Variants in RGN observed in about 807,000 individuals in gnomAD.
The protein encoded by RGN is regucalcin.
RGN carries 19 observed loss-of-function variants against 20.6 expected under a neutral mutation model. That is an observed-to-expected ratio of 0.92 (90% CI 0.64 to 1.35). The LOEUF (loss-of-function observed/expected upper bound fraction) is 1.35. Ranked by LOEUF, RGN falls within the 40% of genes most tolerant of loss-of-function variation. RGN has a pLI of 0.00. For missense variants in RGN, 302 were observed against 232.7 expected (o/e 1.30, Z -1.94); for synonymous variants, 85 against 87.2 (o/e 0.97, Z 0.14).
At chrX:47,079,512 C>A (rs781816305) in intron 1 of RGN, among the ~76,000 whole-genome samples, 2 of 108,013 alleles carry the variant, frequency 1.9e-5, no homozygotes, top group Non-Finnish European at 3.8e-5. Context: ...CTCACTGCAA[C>A]CTCTGCCTCC....
intron 3 of RGN, among the ~76,000 whole-genome samples, chrX:47,082,150 G>A (rs1556381738): frequency 9.0e-6 from 1 of 110,845 alleles, no homozygotes; most frequent in African/African-American, 3.3e-5. Flanking sequence ...TCTAAAGAAG[G>A]GATTTATCAC....
intron 5 of RGN, among the ~76,000 whole-genome samples, chrX:47,090,961 A>AAAGAAGGAAGGAAAG (rs1491158654): frequency 1.6e-5 from 1 of 63,565 alleles, no homozygotes; most frequent in Admixed American, 1.7e-4. Flanking sequence ...AGAAAGAAAG[A>AAAGAAGGAAGGAAAG]AAGAAAGAAA....
At chrX:47,082,834 G>A (rs1930405049) in intron 3 of RGN, among the ~76,000 whole-genome samples, 2 of 98,470 alleles carry the variant, frequency 2.0e-5, no homozygotes, top group Non-Finnish European at 4.0e-5. Flanking sequence ...GGTGTCAGCA[G>A]TAGCTTAGAG....
In RGN at chrX:47,092,907, T is replaced by TG. The variant is rs1556388456; in HGVS notation, c.865dup (p.Val289GlyfsTer24). ...TTTCTTTTTCAACAGATAACTGGTC[T>TG]GGGGGTCAAAGGAATTGCTCCCTAC... On this transcript the variant is annotated frameshift_variant, in exon 8 of 8. Coordinates refer to ENST00000397180, the MANE Select transcript of RGN (RefSeq NM_152869.4). LOFTEE classifies it high-confidence loss of function. The TG allele has an allele frequency of 3.3e-6, 4 of 1,206,608 alleles. No homozygotes were observed. The highest frequency in any genetic ancestry group is 5.9e-5 in the East Asian group (2 of 33,823).
intron 4 of RGN, among the ~76,000 whole-genome samples, chrX:47,085,503 C>T (rs782489217): frequency 9.1e-6 from 1 of 109,659 alleles, no homozygotes; most frequent in African/African-American, 3.3e-5. Flanking sequence ...GGCAATAGAG[C>T]GAGACTCCAT....
chrX:47,091,295 T>C (rs1275704357), intron 5 of RGN, among the ~76,000 whole-genome samples: 6 of 111,671 alleles, frequency 5.4e-5, no homozygotes, highest in African/African-American at 2.0e-4. Context: ...CGTGGTACCA[T>C]TAAGTTGCCT....
chrX:47,090,943 A>AGAAGGAAGGAAG (rs1569540744), intron 5 of RGN, among the ~76,000 whole-genome samples: 1 of 68,038 alleles, frequency 1.5e-5, no homozygotes, highest in African/African-American at 5.9e-5. Context: ...AAAGAAAGAA[A>AGAAGGAAGGAAG]GAAAGAAAGA....
chrX:47,087,245 T>C (rs976444184), intron 4 of RGN, among the ~76,000 whole-genome samples: 10 of 111,622 alleles, frequency 9.0e-5, no homozygotes, highest in Non-Finnish European at 1.7e-4. Context: ...CCTCACATTG[T>C]TGGCCCTGCT....
chrX:47,084,685 G>C (rs1004947661), intron 4 of RGN, 85 bp downstream of exon 4: 2 of 872,268 alleles, frequency 2.3e-6, no homozygotes. Context: ...GACCAGGGTG[G>C]TGGCTCCCGC....
intron 1 of RGN, among the ~76,000 whole-genome samples, chrX:47,079,420 TG>T (rs1389387145): frequency 3.7e-5 from 4 of 108,778 alleles, no homozygotes; most frequent in African/African-American, 1.0e-4. Flanking sequence ...TGTTTTGTTT[TG>T]TTTTTTTGTT....
chrX:47,081,679 G>C (rs189991490), intron 3 of RGN, among the ~76,000 whole-genome samples: 33 of 111,025 alleles, frequency 3.0e-4, no homozygotes, highest in African/African-American at 9.2e-4. Flanking sequence ...CTCCCTAGTA[G>C]CTGTGACTAC....
chrX:47,092,582 A>G (rs1362646057), intron 7 of RGN, among the ~76,000 whole-genome samples: 3 of 112,272 alleles, frequency 2.7e-5, no homozygotes, highest in Non-Finnish European at 3.8e-5. Context: ...CAGAATAAAC[A>G]CTGATAAAAA....
rs374011753 is a variant in RGN at position 47,084,658 on chromosome X, A to G, written c.346+58A>G. 22 of 1,032,083 alleles carry G rather than the reference A, an allele frequency of 2.1e-5. No homozygotes were observed. In the African/African-American group the frequency reaches 3.4e-4, roughly 16 times the overall value. 85.1% of individuals were successfully genotyped at this position (1,032,083 alleles called of 1,213,427 possible). On this transcript the variant is annotated intron_variant, in intron 4 of 7. Coordinates refer to ENST00000397180, the MANE Select transcript of RGN (RefSeq NM_152869.4). ...AGCCTTGGAGGAAATACTTTGACATACAAAGTTCTCACTACTGACCAGGGT... is the reference window on the plus strand; with the variant it reads ...AGCCTTGGAGGAAATACTTTGACATGCAAAGTTCTCACTACTGACCAGGGT...
chrX:47,081,900 T>C (rs2090240003), intron 3 of RGN, among the ~76,000 whole-genome samples: 1 of 112,140 alleles, frequency 8.9e-6, no homozygotes, highest in African/African-American at 3.2e-5. Flanking sequence ...CTTTCCTTAA[T>C]ACCTTCAGAT....
In RGN at chrX:47,093,053, A is replaced by T. The variant is rs1221508815; in HGVS notation, c.*106A>T. 3 of 612,326 alleles carry T rather than the reference A, an allele frequency of 4.9e-6. No individual in the cohort carries two copies. In the Admixed American group the frequency reaches 1.1e-4, roughly 22 times the overall value. 50.5% of individuals were successfully genotyped at this position (612,326 alleles called of 1,213,427 possible). On this transcript the variant is annotated 3_prime_UTR_variant, in exon 8 of 8. Transcript: ENST00000397180. ...AGAAAAATGAGGCAATGATTTTATT[A>T]ACAGCGTTAAGTTTTAATTTACAAC...
At position 47,081,286 on chromosome X, in the gene RGN, C is replaced by G. The variant is rs781801233; in HGVS notation, c.142C>G (p.Gln48Glu). 7.4e-6 allele frequency: 9 copies of G among 1,208,498 alleles called. No homozygotes were observed. The South Asian group carries it at 1.6e-4, about 21-fold the overall frequency. Residue 48 changes from glutamine to glutamate, a missense_variant, in exon 3 of 8, where the codon CAA becomes GAA. Coordinates refer to ENST00000397180, the MANE Select transcript of RGN (RefSeq NM_152869.4). ...TTGCCGGTGGGATTCATTCACCAAG[C>G]AAGTACAGCGAGTGACCATGGGTAA... is the stretch of plus-strand genomic sequence containing the variant. ...KVCRWDSFTK[Q>E]VQRVTMDAPV...
chrX:47,090,935 A>AGAAGGAAAGAAG (rs1569540735), intron 5 of RGN, among the ~76,000 whole-genome samples: 1 of 30,115 alleles, frequency 3.3e-5, no homozygotes, highest in East Asian at 2.0e-3. Flanking sequence ...AAAGAAAGAA[A>AGAAGGAAAGAAG]GAAAGAAAGA....
chrX:47,092,313 A>G (rs1931052707), intron 7 of RGN, 98 bp downstream of exon 7: 2 of 744,700 alleles, frequency 2.7e-6, no homozygotes, highest in Non-Finnish European at 3.8e-6. Context: ...CTTCCAAAGC[A>G]TAATCCTATT....
At chrX:47,085,041 T>C (rs1930523515) in intron 4 of RGN, 2 of 114,103 alleles carry the variant, frequency 1.8e-5, no homozygotes, top group African/African-American at 3.3e-5. Context: ...GTTCTTCTTT[T>C]ATTATTGCCT....
Sources: allele counts gnomAD v4.1 joint callset (sites outside exome capture counted in the v4.1 genomes callset), GRCh38; gene constraint gnomAD v4.1.1; transcripts MANE v1.5; gene names NCBI Gene and HGNC (gene_info 2026-07-23, HGNC 2026-07-21).